CDHR3: variants seen among roughly 807,000 people sequenced by gnomAD.
CDHR3 encodes the protein cadherin related family member 3.
Under a neutral mutation model 86.6 loss-of-function variants are expected in CDHR3, and 79 were observed. That is an observed-to-expected ratio of 0.91 (90% CI 0.76 to 1.10). CDHR3 has a LOEUF of 1.10. Among genes scored for constraint, CDHR3 ranks in the 50% least tolerant of loss-of-function variants. The pLI is 0.00. For missense variants in CDHR3, 1,081 were observed against 1,077.6 expected (o/e 1.00, Z -0.04); for synonymous variants, 421 against 402.4 (o/e 1.05, Z -0.55).
chr7:106,025,617 G>C (rs775433356), intron 15 of CDHR3, among the ~76,000 whole-genome samples: 15 of 152,170 alleles, frequency 9.9e-5, no homozygotes, highest in Non-Finnish European at 1.6e-4. Context: ...ATGGCAAAAA[G>C]AGGGGGTGAT....
rs1838703473 is a variant in CDHR3, at chr7:106,033,950, A to G, written c.*1253A>G. On this transcript the variant is annotated 3_prime_UTR_variant, in exon 19 of 19. Coordinates refer to ENST00000317716, the MANE Select transcript of CDHR3 (RefSeq NM_152750.5). Reference sequence around the variant, plus strand: ...TTGCAATTGCTCTCTATCCTTGCCAACACTTGGGATTGTCAATCCTTTTAA... The same window carrying G: ...TTGCAATTGCTCTCTATCCTTGCCAGCACTTGGGATTGTCAATCCTTTTAA... 6.6e-6 allele frequency among the ~76,000 whole-genome samples: 1 copy of G among 152,194 alleles called. No homozygotes were observed. Among genetic ancestry groups the G allele is most frequent in the African/African-American group, 2.4e-5 (1 of 41,454 alleles).
intron 1 of CDHR3, among the ~76,000 whole-genome samples, chr7:105,973,613 C>G (rs911705737): frequency 2.6e-5 from 4 of 152,174 alleles, no homozygotes; most frequent in Non-Finnish European, 5.9e-5. Flanking sequence ...TTAGGACCCA[C>G]CCTCATGCAA....
chr7:106,003,565 T>A (rs1290884674), intron 7 of CDHR3, among the ~76,000 whole-genome samples: 1 of 152,122 alleles, frequency 6.6e-6, no homozygotes, highest in East Asian at 1.9e-4. Flanking sequence ...TTGTTCAAGG[T>A]CTTACAGCTT....
intron 4 of CDHR3, among the ~76,000 whole-genome samples, chr7:105,993,057 C>A (rs1831600712): frequency 6.6e-6 from 1 of 152,202 alleles, no homozygotes; most frequent in Non-Finnish European, 1.5e-5. Context: ...GGGTTGGAAA[C>A]CTTGGCAGGT....
Position 106,035,938 on chromosome 7 carries a change from C to A in CDHR3, c.*3241C>A, listed in dbSNP as rs1323167211. On this transcript the variant is annotated 3_prime_UTR_variant, in exon 19 of 19. Coordinates refer to ENST00000317716, the MANE Select transcript of CDHR3 (RefSeq NM_152750.5). ...TATCTGAATAAAATGAAGACAGCAA[C>A]CGTCGTGGATTTGGTGAAAGTTTTC... is the stretch of plus-strand genomic sequence containing the variant. The A allele has an allele frequency of 1.3e-5, 2 of 152,206 alleles. No individual in the cohort carries two copies. Among genetic ancestry groups the A allele is most frequent in the Non-Finnish European group, 2.9e-5 (2 of 68,026 alleles). 9.4% of individuals were successfully genotyped at this position (152,206 alleles called of 1,614,324 possible).
Position 105,974,843 on chromosome 7 carries a change from G to C in CDHR3, c.47-1G>C, listed in dbSNP as rs779580292. The C allele has an allele frequency of 1.2e-6, 2 of 1,612,398 alleles. No homozygotes were observed. The highest frequency in any genetic ancestry group is 3.3e-5 in the Admixed American group (2 of 59,978). Reference sequence around the variant, plus strand: ...CATCCTGCACCCTTTTTACTCCACAGGGGGAGAAGCACTACACCTAATCCT... The same window carrying C: ...CATCCTGCACCCTTTTTACTCCACACGGGGAGAAGCACTACACCTAATCCT... On this transcript the variant is annotated splice_acceptor_variant, in intron 1 of 18. Transcript: ENST00000317716. LOFTEE classifies it high-confidence loss of function.
chr7:105,973,881 C>T (rs1300882589), intron 1 of CDHR3, among the ~76,000 whole-genome samples: 2 of 152,130 alleles, frequency 1.3e-5, no homozygotes, highest in South Asian at 2.1e-4. Flanking sequence ...GCATGAGAAT[C>T]GCTTGAACCC....
At position 106,034,817 on chromosome 7, in the gene CDHR3, C is replaced by T. The variant is rs903699366; in HGVS notation, c.*2120C>T. Among the ~76,000 whole-genome samples, 1 of 152,204 alleles carries T rather than the reference C, an allele frequency of 6.6e-6. No homozygotes were observed. The highest frequency in any genetic ancestry group is 1.5e-5 in the Non-Finnish European group (1 of 68,036). Reference sequence around the variant, plus strand: ...AAAGGGCCGGGTGAGGTGGCTCATGCCTGTAATCCCAGCACTCTGGGAGGC... The same window carrying T: ...AAAGGGCCGGGTGAGGTGGCTCATGTCTGTAATCCCAGCACTCTGGGAGGC... On this transcript the variant is annotated 3_prime_UTR_variant, in exon 19 of 19. Coordinates refer to ENST00000317716, the MANE Select transcript of CDHR3 (RefSeq NM_152750.5).
At chr7:105,975,660 G>C (rs547712177) in intron 2 of CDHR3, among the ~76,000 whole-genome samples, 2 of 152,310 alleles carry the variant, frequency 1.3e-5, no homozygotes, top group South Asian at 4.1e-4. Context: ...CTTCCCTAAA[G>C]TGGGGACAAG....
At chr7:105,987,723 T>C (rs1004308156) in intron 4 of CDHR3, among the ~76,000 whole-genome samples, 1 of 152,200 alleles carries the variant, frequency 6.6e-6, no homozygotes, top group African/African-American at 2.4e-5. Flanking sequence ...GAATCTAATG[T>C]ATGGCCAGGG....
Position 106,004,555 on chromosome 7 carries a change from A to G in CDHR3, c.920A>G (p.Gln307Arg). The G allele has an allele frequency of 1.9e-6, 3 of 1,614,042 alleles. No individual in the cohort carries two copies. The highest frequency in any genetic ancestry group is 2.5e-6 in the Non-Finnish European group (3 of 1,179,886). Residue 307 changes from glutamine to arginine, a missense_variant, in exon 8 of 19, where the codon CAA becomes CGA. Physicochemically the swap from Gln to Arg is conservative, Grantham distance 43. Coordinates refer to ENST00000317716, the MANE Select transcript of CDHR3 (RefSeq NM_152750.5). ...GACCGAGATGCAGGTGAATTGAGAC[A>G]AAATCCCACCATTTCCCTGGAAGTT... ...RIDRDAGELRQNPTISLEVLV... is the reference protein window; with the variant it reads ...RIDRDAGELRRNPTISLEVLV...
chr7:106,028,368 C>T (rs1003104593), intron 16 of CDHR3, 183 bp from the exon 17 acceptor site: 22 of 691,446 alleles, frequency 3.2e-5, no homozygotes, highest in Non-Finnish European at 4.5e-5. Flanking sequence ...CATATGTGTA[C>T]GTATTTTTTT....
intron 2 of CDHR3, 119 bp downstream of exon 2, chr7:105,975,165 A>G: frequency 1.2e-5 from 11 of 906,134 alleles, no homozygotes; most frequent in Non-Finnish European, 5.3e-6. Context: ...TCCCTCTTGT[A>G]AGGTCCAGGA....
At chr7:106,006,678 G>T (rs144668621) in intron 8 of CDHR3, among the ~76,000 whole-genome samples, 61 of 152,324 alleles carry the variant, frequency 4.0e-4, no homozygotes, top group African/African-American at 1.4e-3. Flanking sequence ...ATCTTGGGCA[G>T]CTCCATTCCT....
intron 15 of CDHR3, among the ~76,000 whole-genome samples, chr7:106,024,949 G>T (rs190519879): frequency 6.6e-6 from 1 of 152,154 alleles, no homozygotes; most frequent in African/African-American, 2.4e-5. Flanking sequence ...TGGAATTAAG[G>T]CAAGCACACA....
At chr7:105,971,826 C>T (rs1828023447) in intron 1 of CDHR3, among the ~76,000 whole-genome samples, 2 of 152,304 alleles carry the variant, frequency 1.3e-5, no homozygotes, top group South Asian at 2.1e-4. Flanking sequence ...CACGCTCACA[C>T]TCCAGCACAA....
intron 2 of CDHR3, among the ~76,000 whole-genome samples, chr7:105,979,078 G>T (rs1829245765): frequency 2.0e-5 from 3 of 152,190 alleles, no homozygotes; most frequent in Admixed American, 1.3e-4. Context: ...CAGAGTGTTT[G>T]CTCAGTGCCA....
At chr7:105,989,684 C>A (rs1165047532) in intron 4 of CDHR3, among the ~76,000 whole-genome samples, 1 of 152,120 alleles carries the variant, frequency 6.6e-6, no homozygotes, top group Non-Finnish European at 1.5e-5. Flanking sequence ...AGGGTCCCAG[C>A]TGGATGGGAT....
intron 17 of CDHR3, among the ~76,000 whole-genome samples, chr7:106,028,915 A>ATTTTCT (rs1563311657): frequency 8.7e-6 from 1 of 115,306 alleles, no homozygotes. Flanking sequence ...TGAGATTTAA[A>ATTTTCT]TTTTCTTTCT....
Sources: allele counts gnomAD v4.1 joint callset (sites outside exome capture counted in the v4.1 genomes callset), GRCh38; gene constraint gnomAD v4.1.1; transcripts MANE v1.5; gene names NCBI Gene and HGNC (gene_info 2026-07-23, HGNC 2026-07-21).